Variants in RNF13 observed in about 807,000 individuals in gnomAD.
RNF13 encodes the protein E3 ubiquitin-protein ligase RNF13.
A neutral mutation model predicts 37.7 loss-of-function variants in RNF13; 19 were observed. That is an observed-to-expected ratio of 0.50 (90% CI 0.35 to 0.74). The LOEUF (loss-of-function observed/expected upper bound fraction) is 0.74, where lower values mean the gene tolerates loss of function less well. Ranked by LOEUF, RNF13 falls within the 30% of genes least tolerant of loss-of-function variation. The pLI is 0.01. For missense variants in RNF13, 375 were observed against 453.0 expected, an observed-to-expected ratio of 0.83 and a Z score of 1.56; for synonymous variants, 144 against 157.8, an observed-to-expected ratio of 0.91 and a Z score of 0.65.
intron 4 of RNF13, among the ~76,000 whole-genome samples, chr3:149,894,820 T>C (rs1016806093): frequency 1.3e-5 from 2 of 152,152 alleles, no homozygotes; most frequent in African/African-American, 4.8e-5. Context: ...GGTTTATTTT[T>C]ACTTATAACA....
At chr3:149,908,477 C>T (rs1433481578) in intron 6 of RNF13, among the ~76,000 whole-genome samples, 1 of 152,168 alleles carries the variant, frequency 6.6e-6, no homozygotes, top group East Asian at 1.9e-4. Flanking sequence ...TTAGTAAATT[C>T]TAATGAAATT....
chr3:149,942,518 G>A (rs555513869), intron 8 of RNF13, among the ~76,000 whole-genome samples: 11 of 152,156 alleles, frequency 7.2e-5, no homozygotes, highest in Non-Finnish European at 1.5e-4. Context: ...TTCTTTGGTT[G>A]AAGGATAATT....
intron 3 of RNF13, among the ~76,000 whole-genome samples, chr3:149,855,783 T>G (rs1355501039): frequency 1.3e-5 from 2 of 152,114 alleles, no homozygotes; most frequent in Admixed American, 1.3e-4. Context: ...CCATTAACAC[T>G]GTAGGAGAAT....
intron 3 of RNF13, among the ~76,000 whole-genome samples, chr3:149,855,761 G>T (rs1016636791): frequency 1.3e-5 from 2 of 152,006 alleles, no homozygotes; most frequent in African/African-American, 2.4e-5. Context: ...CAAAGGCTGT[G>T]CTAATTTATT....
intron 9 of RNF13, 139 bp downstream of exon 9, chr3:149,960,275 A>G (rs1722257660): frequency 4.9e-6 from 3 of 610,972 alleles, no homozygotes; most frequent in African/African-American, 1.9e-5. Flanking sequence ...TCATTCAAGG[A>G]TGGAGGTGTA....
At position 149,846,002 on chromosome 3, in the gene RNF13, G is replaced by A. The variant is rs750866665; in HGVS notation, c.-16-9G>A. 1 of 1,487,370 alleles carries A rather than the reference G, an allele frequency of 6.7e-7. No individual in the cohort carries two copies. The highest frequency in any genetic ancestry group is 9.4e-7 in the Non-Finnish European group (1 of 1,068,936). 92.1% of individuals were successfully genotyped at this position (1,487,370 alleles called of 1,614,324 possible). A position where few individuals can be genotyped will look rare whatever the true frequency, so the allele number is the denominator to read the frequency against. On this transcript the variant is annotated splice_polypyrimidine_tract_variant and intron_variant, in intron 1 of 9. Transcript: ENST00000392894. ...CCAGCTCTCAGTTACTCACATCCTTGTCTTCCAGGTGATTTTACAACGAGA... is the reference window on the plus strand; with the variant it reads ...CCAGCTCTCAGTTACTCACATCCTTATCTTCCAGGTGATTTTACAACGAGA...
At chr3:149,889,184 G>A (rs1372959503) in intron 4 of RNF13, among the ~76,000 whole-genome samples, 3 of 151,382 alleles carry the variant, frequency 2.0e-5, no homozygotes, top group Non-Finnish European at 2.9e-5. Flanking sequence ...TGATCCCCCC[G>A]ACTCAGCCTC....
At chr3:149,827,601 G>A (rs1488229862) in intron 1 of RNF13, among the ~76,000 whole-genome samples, 1 of 151,970 alleles carries the variant, frequency 6.6e-6, no homozygotes, top group Non-Finnish European at 1.5e-5. Flanking sequence ...CTGTCTTTGA[G>A]GAGCATATGT....
chr3:149,813,637 A>G (rs1019117128), intron 1 of RNF13, among the ~76,000 whole-genome samples: 6 of 152,218 alleles, frequency 3.9e-5, no homozygotes, highest in African/African-American at 1.4e-4. Context: ...TGAGGCTGCA[A>G]GAGCCTGCCT....
chr3:149,953,011 G>C (rs937308494), intron 8 of RNF13, among the ~76,000 whole-genome samples: 1 of 152,108 alleles, frequency 6.6e-6, no homozygotes, highest in African/African-American at 2.4e-5. Context: ...GAAAGGCTTT[G>C]GGTACAGTTG....
intron 8 of RNF13, among the ~76,000 whole-genome samples, chr3:149,958,681 C>T (rs1722091579): frequency 6.6e-6 from 1 of 152,176 alleles, no homozygotes; most frequent in African/African-American, 2.4e-5. Context: ...GCATAACTAT[C>T]TGTCCTCAAA....
rs1231840106 is a variant in RNF13 at position 149,839,707 on chromosome 3, G to C, written c.-16-6304G>C. Among the ~76,000 whole-genome samples, 5 of 152,088 alleles carry C rather than the reference G, an allele frequency of 3.3e-5. No individual in the cohort carries two copies. In the East Asian group the frequency reaches 9.7e-4, roughly 29 times the overall value. ...ACCTGGGAATTCAAGATGTGGTTTG[G>C]TTGGGGATGCAGCCAAACCCATACC... On this transcript the variant is annotated intron_variant, in intron 1 of 9. Transcript: ENST00000392894.
chr3:149,896,491 T>G (rs1190017376), intron 5 of RNF13, among the ~76,000 whole-genome samples: 1 of 151,966 alleles, frequency 6.6e-6, no homozygotes, highest in African/African-American at 2.4e-5. Context: ...TTATTTTTTT[T>G]TTTTTGAGAT....
At chr3:149,841,456 C>G (rs974280628) in intron 1 of RNF13, among the ~76,000 whole-genome samples, 4 of 152,122 alleles carry the variant, frequency 2.6e-5, no homozygotes, top group Admixed American at 6.5e-5. Context: ...CCCCCAAATT[C>G]TCTTTTGAAG....
intron 4 of RNF13, among the ~76,000 whole-genome samples, chr3:149,892,663 A>G (rs1001452388): frequency 1.3e-5 from 2 of 152,066 alleles, no homozygotes; most frequent in African/African-American, 2.4e-5. Flanking sequence ...CGTGAACCCT[A>G]TTGTGAACTG....
At position 149,852,934 on chromosome 3, in the gene RNF13, T is replaced by C. The variant is rs570994045; in HGVS notation, c.195+338T>C. ...CATTTACATATATATGTAAATGCTTTCATATACAGTAAATCTGTATTTAAC... is the reference window on the plus strand; with the variant it reads ...CATTTACATATATATGTAAATGCTTCCATATACAGTAAATCTGTATTTAAC... On this transcript the variant is annotated intron_variant, in intron 3 of 9. Transcript: ENST00000392894. Among the ~76,000 whole-genome samples, 26 of 151,928 alleles carry C rather than the reference T, an allele frequency of 1.7e-4. No homozygotes were observed. In the East Asian group the frequency reaches 4.5e-3, roughly 26 times the overall value.
intron 4 of RNF13, among the ~76,000 whole-genome samples, chr3:149,889,653 A>ATT (rs945001092): frequency 1.7e-4 from 22 of 126,252 alleles, no homozygotes; most frequent in Admixed American, 2.4e-4. Context: ...AAATCTGACA[A>ATT]TTTTTTTTTT....
intron 5 of RNF13, among the ~76,000 whole-genome samples, chr3:149,900,247 C>T (rs1715679619): frequency 6.6e-6 from 1 of 152,066 alleles, no homozygotes; most frequent in South Asian, 2.1e-4. Context: ...AAAAGTTATT[C>T]CTTGAGTTTG....
At chr3:149,952,267 G>C (rs940649698) in intron 8 of RNF13, among the ~76,000 whole-genome samples, 1 of 152,034 alleles carries the variant, frequency 6.6e-6, no homozygotes, top group African/African-American at 2.4e-5. Flanking sequence ...CTATTTAGAA[G>C]GAAATTTTAT....
Sources: gnomAD v4.1 joint callset for allele counts (sites outside exome capture counted in the v4.1 genomes callset) on GRCh38, gnomAD v4.1.1 for gene constraint, MANE v1.5 for transcripts, NCBI Gene and HGNC (gene_info 2026-07-23, HGNC 2026-07-21) for gene names.